Variants in PHKA1 observed in about 807,000 individuals in gnomAD.
PHKA1 encodes the protein phosphorylase b kinase regulatory subunit alpha, skeletal muscle isoform.
Under a neutral mutation model 110.2 loss-of-function variants are expected in PHKA1, and 60 were observed. The observed-to-expected ratio is 0.54, with a 90% CI of 0.44 to 0.68. The LOEUF (loss-of-function observed/expected upper bound fraction) is 0.68. PHKA1 is among the 30% of genes least tolerant of loss of function. The probability of loss-of-function intolerance (pLI) is 0.00; values close to 1 mark genes in which losing one functional copy is unlikely to be tolerated. For synonymous variants in PHKA1, 316 were observed against 333.6 expected (o/e 0.95, Z 0.58); for missense variants, 801 against 942.5 (o/e 0.85, Z 1.97).
At position 72,578,897 on chromosome X, in the gene PHKA1, T is replaced by A. The variant is rs1322271645; in HGVS notation, c.*2105A>T. The A allele has an allele frequency of 6.3e-5, 7 of 111,963 alleles. No homozygotes were observed. The highest frequency in any genetic ancestry group is 9.5e-5 in the Admixed American group (1 of 10,558). 9.2% of individuals were successfully genotyped at this position (111,963 alleles called of 1,213,427 possible). On this transcript the variant is annotated 3_prime_UTR_variant, in exon 32 of 32. Coordinates refer to ENST00000373542, the MANE Select transcript of PHKA1 (RefSeq NM_002637.4). ...TATTTTCAAAACATAAGTGCTTTTTTAAAAAAAGTCTAACATGTCTTTTTA... is the reference window on the plus strand; with the variant it reads ...TATTTTCAAAACATAAGTGCTTTTTAAAAAAAAGTCTAACATGTCTTTTTA...
chrX:72,698,004 T>A (rs1265890002), intron 3 of PHKA1, among the ~76,000 whole-genome samples: 1 of 110,080 alleles, frequency 9.1e-6, no homozygotes, highest in African/African-American at 3.3e-5. Context: ...AAATTTTTTT[T>A]AAGTGCACTG....
chrX:72,678,730 T>C (rs1428510497), intron 5 of PHKA1, among the ~76,000 whole-genome samples: 1 of 111,929 alleles, frequency 8.9e-6, no homozygotes, highest in African/African-American at 3.2e-5. Context: ...CTGCAACAAC[T>C]AAAAAACTAT....
chrX:72,625,286 A>G (rs1369105902), intron 17 of PHKA1, among the ~76,000 whole-genome samples: 3 of 111,068 alleles, frequency 2.7e-5, no homozygotes, highest in African/African-American at 9.8e-5. Context: ...CCTGGTGTCT[A>G]TTGTTTCCTT....
At chrX:72,704,567 G>A (rs1556331428) in intron 3 of PHKA1, among the ~76,000 whole-genome samples, 1 of 108,591 alleles carries the variant, frequency 9.2e-6, no homozygotes, top group African/African-American at 3.5e-5. Context: ...AGGGTTTTGT[G>A]TATGTGCATG....
chrX:72,681,656 G>A (rs1324410246), intron 5 of PHKA1, among the ~76,000 whole-genome samples: 11 of 79,059 alleles, frequency 1.4e-4, no homozygotes, highest in South Asian at 7.6e-4. Context: ...CAGCCACCCC[G>A]TCCGGGAGGG....
intron 18 of PHKA1, among the ~76,000 whole-genome samples, chrX:72,621,488 T>C (rs1051780562): frequency 1.7e-4 from 19 of 111,764 alleles, no homozygotes; most frequent in African/African-American, 5.5e-4. Flanking sequence ...TCTCTGAGTA[T>C]GGGTAATGGA....
At chrX:72,586,202 C>G (rs1472862191) in intron 29 of PHKA1, among the ~76,000 whole-genome samples, 1 of 111,588 alleles carries the variant, frequency 9.0e-6, no homozygotes, top group East Asian at 2.8e-4. Flanking sequence ...CAGGCAGGGG[C>G]CCCCTGAGAC....
chrX:72,597,064 A>G (rs2052599743), intron 28 of PHKA1, among the ~76,000 whole-genome samples: 2 of 112,347 alleles, frequency 1.8e-5, no homozygotes, highest in Non-Finnish European at 3.8e-5. Context: ...CACATGCAAA[A>G]GAATGAAGTT....
chrX:72,593,668 T>C (rs1489917244), intron 28 of PHKA1, among the ~76,000 whole-genome samples: 5 of 112,643 alleles, frequency 4.4e-5, no homozygotes, highest in African/African-American at 1.3e-4. Flanking sequence ...TAGTGAACAA[T>C]AAACCTACTC....
Position 72,591,097 on chromosome X carries a change from A to G in PHKA1, c.3243+2007T>C, listed in dbSNP as rs148810749. Among the ~76,000 whole-genome samples the G allele has an allele frequency of 3.5e-3, 395 of 112,143 alleles. 1 individual carries two copies. Among genetic ancestry groups the G allele is most frequent in the African/African-American group, 0.012 (383 of 30,899 alleles). ...AAAGTATTATAAATCATGCTACTAT[A>G]AAGATACATGCACATGTATGTTTAT... On this transcript the variant is annotated intron_variant, in intron 29 of 31. Coordinates refer to ENST00000373542, the MANE Select transcript of PHKA1 (RefSeq NM_002637.4).
chrX:72,599,981 AG>A (rs1312242703), intron 28 of PHKA1: 4 of 378,104 alleles, frequency 1.1e-5, no homozygotes, highest in African/African-American at 1.0e-4. Context: ...GTATGTAGTC[AG>A]CACATAATCA....
At chrX:72,625,705 T>G (rs1343125774) in intron 17 of PHKA1, among the ~76,000 whole-genome samples, 1 of 111,819 alleles carries the variant, frequency 8.9e-6, no homozygotes, top group Non-Finnish European at 1.9e-5. Context: ...TTCCACAGTC[T>G]CCCAGGCTGG....
Position 72,682,934 on chromosome X carries a change from TAA to T in PHKA1, c.537+1562_537+1563del, listed in dbSNP as rs1164416043. ...AAGAATTATCAATAAAAAAATAAAT[TAA>T]AAAAAAAAAAAAAAAAAAAAAAGAA... On this transcript the variant is annotated intron_variant, in intron 5 of 31. Transcript: ENST00000373542. Among the ~76,000 whole-genome samples, 428 of 63,825 alleles carry T rather than the reference TAA, an allele frequency of 6.7e-3. 12 individuals are homozygous for T. Among genetic ancestry groups the T allele is most frequent in the Admixed American group, 0.059 (291 of 4,944 alleles). The allele number at this position is 63,825 out of a possible 115,157, so 55.4% of individuals were successfully genotyped here. A position where few individuals can be genotyped will look rare whatever the true frequency, so the allele number is the denominator to read the frequency against.
At chrX:72,702,175 C>T (rs1323606089) in intron 3 of PHKA1, among the ~76,000 whole-genome samples, 1 of 111,560 alleles carries the variant, frequency 9.0e-6, no homozygotes, top group Non-Finnish European at 1.9e-5. Flanking sequence ...TTGGCCAGCA[C>T]GGTGGGTTAT....
chrX:72,628,581 AAT>A (rs1556284713), intron 16 of PHKA1, among the ~76,000 whole-genome samples: 1 of 95,507 alleles, frequency 1.0e-5, no homozygotes, highest in Non-Finnish European at 2.0e-5. Flanking sequence ...TTCCCATATA[AAT>A]ATATATATAT....
intron 20 of PHKA1, 98 bp from the exon 21 acceptor site, chrX:72,618,947 C>G (rs1420206075): frequency 1.2e-6 from 1 of 820,137 alleles, no homozygotes; most frequent in African/African-American, 2.0e-5. Context: ...AAACCTTTTC[C>G]AAGGAATTCT....
At chrX:72,683,960 G>A (rs997970517) in intron 5 of PHKA1, among the ~76,000 whole-genome samples, 3 of 112,060 alleles carry the variant, frequency 2.7e-5, no homozygotes, top group African/African-American at 9.7e-5. Context: ...TTAGACTGAA[G>A]AAGAAAAAAA....
intron 12 of PHKA1, among the ~76,000 whole-genome samples, chrX:72,651,928 G>A (rs1452134980): frequency 8.9e-6 from 1 of 111,823 alleles, no homozygotes; most frequent in Non-Finnish European, 1.9e-5. Context: ...AAAAACTTCT[G>A]AGAAACAGAA....
At chrX:72,668,771 C>T (rs1262048813) in intron 6 of PHKA1, among the ~76,000 whole-genome samples, 1 of 111,646 alleles carries the variant, frequency 9.0e-6, no homozygotes, top group African/African-American at 3.3e-5. Flanking sequence ...CATATAAATA[C>T]ATTCATTCTA....
Sources: allele counts gnomAD v4.1 joint callset (sites outside exome capture counted in the v4.1 genomes callset), GRCh38; gene constraint gnomAD v4.1.1; transcripts MANE v1.5; gene names NCBI Gene and HGNC (gene_info 2026-07-23, HGNC 2026-07-21).